Variants in VSIR observed in about 807,000 individuals in gnomAD.
The protein encoded by VSIR is V-set immunoregulatory receptor, also known as V-type immunoglobulin domain-containing suppressor of T-cell activation.
A neutral mutation model predicts 31.0 loss-of-function variants in VSIR; 10 were observed. That is an observed-to-expected ratio of 0.32 (90% CI 0.20 to 0.55). The LOEUF is 0.55. VSIR is among the 20% of genes least tolerant of loss of function. VSIR has a pLI of 0.93. For missense variants in VSIR, 356 were observed against 416.2 expected (o/e 0.86, Z 1.26); for synonymous variants, 179 against 180.1 (o/e 0.99, Z 0.05).
chr10:71,762,153 C>G, intron 1 of VSIR, 127 bp from the exon 2 acceptor site: 1 of 1,093,632 alleles, frequency 9.1e-7, no homozygotes, highest in Admixed American at 2.9e-5. Flanking sequence ...CAGCTGACCT[C>G]CCTAAGACTG....
rs1033734495 is a variant in VSIR, at chr10:71,773,513, C to T, written c.-74G>A. ...GACGCGGCCGGCGCGGGGAAGCCTC[C>T]CGCGACTGAGTGCGAGCGAGTGAGC... On this transcript the variant is annotated 5_prime_UTR_variant, in exon 1 of 7. Transcript: ENST00000394957. The T allele has an allele frequency of 6.1e-5, 88 of 1,441,896 alleles. No homozygotes were observed. Among genetic ancestry groups the T allele is most frequent in the Non-Finnish European group, 8.2e-5 (86 of 1,053,020 alleles). The allele number at this position is 1,441,896 out of a possible 1,614,324, so 89.3% of individuals were successfully genotyped here.
chr10:71,762,933 T>G (rs1305821519), intron 1 of VSIR, among the ~76,000 whole-genome samples: 1 of 152,202 alleles, frequency 6.6e-6, no homozygotes, highest in African/African-American at 2.4e-5. Flanking sequence ...CTCCAGCATT[T>G]AATTGGGTTG....
rs999172509 is a variant in VSIR at position 71,747,690 on chromosome 10, A to C, written c.*3563T>G. 2.0e-5 allele frequency: 3 copies of C among 152,288 alleles called. No individual in the cohort carries two copies. The highest frequency in any genetic ancestry group is 4.4e-5 in the Non-Finnish European group (3 of 68,054). 9.4% of individuals were successfully genotyped at this position (152,288 alleles called of 1,614,324 possible). On this transcript the variant is annotated 3_prime_UTR_variant, in exon 7 of 7. Coordinates refer to ENST00000394957, the MANE Select transcript of VSIR (RefSeq NM_022153.2). ...GAAGGGGGTGGATCAAACAAGTTAC[A>C]ACACATGTGAAAGTGTGTTGGAAAG...
At chr10:71,757,478 T>A (rs1840178567) in intron 3 of VSIR, 2 of 152,364 alleles carry the variant, frequency 1.3e-5, no homozygotes, top group Non-Finnish European at 2.9e-5. Flanking sequence ...CGTAGGCATC[T>A]CTGCAGAGCT....
At chr10:71,756,010 C>T (rs1589399869) in intron 3 of VSIR, among the ~76,000 whole-genome samples, 1 of 152,260 alleles carries the variant, frequency 6.6e-6, no homozygotes, top group East Asian at 1.9e-4. Context: ...CCCAACTCAT[C>T]CCAGAGACTC....
rs139710615 is a variant in VSIR at position 71,751,673 on chromosome 10, G to A, written c.893C>T (p.Ser298Phe). The A allele has an allele frequency of 1.4e-4, 213 of 1,530,432 alleles. 1 individual carries two copies. The Middle Eastern group carries it at 1.5e-3, about 11-fold the overall frequency. The allele number at this position is 1,530,432 out of a possible 1,614,324, so 94.8% of individuals were successfully genotyped here. A position where few individuals can be genotyped will look rare whatever the true frequency, so the allele number is the denominator to read the frequency against. Residue 298 changes from serine (S) to phenylalanine (F), a missense_variant, in exon 6 of 7, where the codon TCC becomes TTC. Around this residue, in one of 2 missense-constraint regions of VSIR, gnomAD observed 190 missense variants for 185.2 expected, o/e 1.03. Coordinates refer to ENST00000394957, the MANE Select transcript of VSIR (RefSeq NM_022153.2). This position sits in a 1 kb window ranked among gnomAD's most constrained non-coding sequence, Gnocchi z 4.9. ...PPGPGDVFFP[S>F]LDPVPDSPNF... The stretch of plus-strand genomic sequence containing the variant: ...GAAGGTCAGGAAACACTTACCCAGG[G>A]ATGGGAAGAAGACGTCTCCGGGGCC...
At chr10:71,753,299 G>A (rs1001501015) in intron 4 of VSIR, among the ~76,000 whole-genome samples, 4 of 152,254 alleles carry the variant, frequency 2.6e-5, no homozygotes, top group Non-Finnish European at 5.9e-5. Flanking sequence ...GGCAGCCAGC[G>A]CTTTCTCCTA....
At chr10:71,759,828 C>CAG (rs1840254305) in intron 3 of VSIR, among the ~76,000 whole-genome samples, 1 of 60,594 alleles carries the variant, frequency 1.7e-5, no homozygotes, top group Non-Finnish European at 4.3e-5. Context: ...TATACACACA[C>CAG]ACACACACAC....
In VSIR at chr10:71,751,820, G is replaced by A. The variant is rs1398056456; in HGVS notation, c.746C>T (p.Pro249Leu). The stretch of plus-strand genomic sequence containing the variant: ...GGCCTCGGGTATCCCCTGGGCAGGT[G>A]GTGAGGCTTCAAAGCCGGGGTTTTC... The part of the protein sequence containing the change: ...GIENPGFEAS[P>L]PAQGIPEAKV... Residue 249 changes from proline to leucine, a missense_variant, in exon 6 of 7, where the codon CCA becomes CTA. This residue lies in a region of VSIR where 190 missense variants were observed against 185.2 expected (regional missense o/e 1.03). Transcript: ENST00000394957. This position sits in a 1 kb window ranked among gnomAD's most constrained non-coding sequence, Gnocchi z 4.9. The A allele has an allele frequency of 2.5e-6, 4 of 1,574,688 alleles. No homozygotes were observed. Among genetic ancestry groups the A allele is most frequent in the Admixed American group, 3.8e-5 (2 of 52,596 alleles).
chr10:71,760,831 C>G (rs376240469), intron 3 of VSIR, 37 bp downstream of exon 3: 105 of 1,595,360 alleles, frequency 6.6e-5, no homozygotes, highest in Non-Finnish European at 8.9e-5. Context: ...CAGAAGAAAA[C>G]AGAGAACCCA....
intron 4 of VSIR, among the ~76,000 whole-genome samples, chr10:71,754,111 G>A (rs1840072886): frequency 6.6e-6 from 1 of 152,206 alleles, no homozygotes; most frequent in African/African-American, 2.4e-5. Context: ...CTCTGGGCCA[G>A]CCTTCCACCA....
rs974008674 is a variant in VSIR, at chr10:71,752,029, C to T, written c.705-168G>A. 6 of 792,270 alleles carry T rather than the reference C, an allele frequency of 7.6e-6. No individual in the cohort carries two copies. In the African/African-American group the frequency reaches 8.5e-5, roughly 11 times the overall value. The allele number at this position is 792,270 out of a possible 1,614,324, so 49.1% of individuals were successfully genotyped here. A position where few individuals can be genotyped will look rare whatever the true frequency, so the allele number is the denominator to read the frequency against. Reference sequence around the variant, plus strand: ...AGGAGCCAGGCCCACAGAGCAAAGGCCATGGGCTGCACCTGCCCACCTGTC... The same window carrying T: ...AGGAGCCAGGCCCACAGAGCAAAGGTCATGGGCTGCACCTGCCCACCTGTC... On this transcript the variant is annotated intron_variant, in intron 5 of 6. Transcript: ENST00000394957.
In VSIR at chr10:71,748,931, G is replaced by A. The variant is rs542677875; in HGVS notation, c.*2322C>T. 1.3e-5 allele frequency: 2 copies of A among 153,046 alleles called. No homozygotes were observed. Among genetic ancestry groups the A allele is most frequent in the African/African-American group, 4.8e-5 (2 of 41,594 alleles). 9.5% of individuals were successfully genotyped at this position (153,046 alleles called of 1,614,324 possible). The stretch of plus-strand genomic sequence containing the variant: ...TCAGAGTAAATTTCGCTGAAAACAG[G>A]AAACCACGAAGCCCAGATGCGTTCA... On this transcript the variant is annotated 3_prime_UTR_variant, in exon 7 of 7. Transcript: ENST00000394957.
Position 71,770,641 on chromosome 10 carries a change from G to A in VSIR, c.82+2717C>T, listed in dbSNP as rs143112211. Among the ~76,000 whole-genome samples the A allele has an allele frequency of 7.0e-4, 107 of 152,286 alleles. 1 individual carries two copies. The highest frequency in any genetic ancestry group is 1.9e-3 in the African/African-American group (77 of 41,548). On this transcript the variant is annotated intron_variant, in intron 1 of 6. Transcript: ENST00000394957. ...TATGTGGGGCTCGCTCACTGCCAACGGGTTCTCCTTGAGGATCCCTTTCTT... is the reference window on the plus strand; with the variant it reads ...TATGTGGGGCTCGCTCACTGCCAACAGGTTCTCCTTGAGGATCCCTTTCTT...
At chr10:71,753,071 G>C in intron 4 of VSIR, 69 bp from the exon 5 acceptor site, 1 of 1,559,532 alleles carries the variant, frequency 6.4e-7, no homozygotes, top group Non-Finnish European at 8.7e-7. Flanking sequence ...CCCTGCCCCT[G>C]CTGGCAGATG....
intron 1 of VSIR, among the ~76,000 whole-genome samples, chr10:71,770,987 G>T (rs2132911333): frequency 6.6e-6 from 1 of 152,320 alleles, no homozygotes; most frequent in East Asian, 1.9e-4. Flanking sequence ...GACCATTGCT[G>T]CGTCAGAGGC....
At chr10:71,769,276 TG>T (rs1381413013) in intron 1 of VSIR, among the ~76,000 whole-genome samples, 1 of 152,248 alleles carries the variant, frequency 6.6e-6, no homozygotes, top group Non-Finnish European at 1.5e-5. Context: ...TTTAATTTTT[TG>T]CAAGGGAAAG....
intron 2 of VSIR, among the ~76,000 whole-genome samples, chr10:71,761,336 C>CCTA (rs1840378328): frequency 2.6e-5 from 4 of 152,212 alleles, no homozygotes; most frequent in Admixed American, 2.0e-4. Flanking sequence ...CACTCCCAGC[C>CCTA]CAGGTACCTA....
intron 3 of VSIR, among the ~76,000 whole-genome samples, chr10:71,759,790 T>TAAC (rs1188597488): frequency 6.7e-6 from 1 of 148,164 alleles, no homozygotes; most frequent in Non-Finnish European, 1.5e-5. Flanking sequence ...CCAGCCTGGG[T>TAAC]AACAGAGTGA....
Sources: gnomAD v4.1 joint callset for allele counts (sites outside exome capture counted in the v4.1 genomes callset) on GRCh38, gnomAD v4.1.1 for gene constraint, gnomAD v4.1.1 regional missense constraint, Gnocchi (gnomAD v3.1) non-coding constraint, MANE v1.5 for transcripts, NCBI Gene and HGNC (gene_info 2026-07-23, HGNC 2026-07-21) for gene names.